SYNC: variants seen among roughly 807,000 people sequenced by gnomAD.
SYNC encodes syncoilin, intermediate filament protein, also known as syncoilin.
In SYNC, 38 loss-of-function variants were observed where a neutral mutation model predicts 49.5. That is an observed-to-expected ratio of 0.77 (90% CI 0.59 to 1.01). SYNC has a LOEUF of 1.01. Ranked by LOEUF, SYNC falls within the 50% of genes least tolerant of loss-of-function variation. The pLI, the probability that SYNC is intolerant of heterozygous loss-of-function variation, is 0.00. For synonymous variants in SYNC, 201 were observed against 230.8 expected (o/e 0.87, Z 1.17); for missense variants, 579 against 580.6 (o/e 1.00, Z 0.03).
intron 2 of SYNC, chr1:32,685,192 C>G (rs1218474404): frequency 3.9e-5 from 6 of 152,128 alleles, no homozygotes; most frequent in South Asian, 2.1e-4. Context: ...TTGGTTAGTT[C>G]TAAGTTGGAA....
intron 1 of SYNC, among the ~76,000 whole-genome samples, chr1:32,697,639 T>C (rs907582209): frequency 6.7e-6 from 1 of 149,034 alleles, no homozygotes; most frequent in Non-Finnish European, 1.5e-5. Flanking sequence ...TGGGAGGCTG[T>C]GGTGGGAGAA....
At chr1:32,703,469 T>C (rs555667902), upstream of SYNC, 1 of 152,484 alleles carries the variant, frequency 6.6e-6, no homozygotes, top group East Asian at 1.9e-4. Context: ...TCCCCCCACG[T>C]CCTCAGCCCA....
At chr1:32,694,056 G>T (rs1650290539) in intron 2 of SYNC, among the ~76,000 whole-genome samples, 1 of 151,564 alleles carries the variant, frequency 6.6e-6, no homozygotes, top group African/African-American at 2.4e-5. Context: ...GGGCCACGTG[G>T]TGAAACCCTG....
At chr1:32,686,112 T>C (rs1388234390) in intron 2 of SYNC, 1 of 152,226 alleles carries the variant, frequency 6.6e-6, no homozygotes, top group African/African-American at 2.4e-5. Flanking sequence ...ACAGCAGATT[T>C]CTAAGACAGC....
In SYNC at chr1:32,694,289, G is replaced by T. The variant is rs548452149; in HGVS notation, c.1233+576C>A. Among the ~76,000 whole-genome samples the T allele has an allele frequency of 1.5e-3, 232 of 152,024 alleles. 2 individuals carry two copies. The highest frequency in any genetic ancestry group is 6.8e-3 in the Middle Eastern group (2 of 294). Reference sequence around the variant, plus strand: ...TGGGAGGATCGCTTGAACCTGAGAGGTCGAGGCTGCAGTTAGCTGTGATCA... The same window carrying T: ...TGGGAGGATCGCTTGAACCTGAGAGTTCGAGGCTGCAGTTAGCTGTGATCA... On this transcript the variant is annotated intron_variant, in intron 2 of 4. Transcript: ENST00000409190.
chr1:32,694,047 G>A (rs1241417928), intron 2 of SYNC, among the ~76,000 whole-genome samples: 1 of 151,046 alleles, frequency 6.6e-6, no homozygotes, highest in Non-Finnish European at 1.5e-5. Flanking sequence ...ATCCAGCCTG[G>A]GCCACGTGGT....
At chr1:32,691,062 G>GA (rs1012074627) in intron 2 of SYNC, among the ~76,000 whole-genome samples, 1 of 152,014 alleles carries the variant, frequency 6.6e-6, no homozygotes, top group Admixed American at 6.6e-5. Flanking sequence ...AATAAAAATA[G>GA]AAAAAATTAG....
At position 32,702,567 on chromosome 1, in the gene SYNC, T is replaced by G. The variant is rs563065027; in HGVS notation, c.53+41A>C. 559 of 1,196,034 alleles carry G rather than the reference T, an allele frequency of 4.7e-4. 2 individuals carry two copies. The African/African-American group carries it at 8.1e-3, about 17-fold the overall frequency. 74.1% of individuals were successfully genotyped at this position (1,196,034 alleles called of 1,614,324 possible). On this transcript the variant is annotated intron_variant, in intron 1 of 4. Transcript: ENST00000409190. This position sits in a 1 kb window ranked among gnomAD's most constrained non-coding sequence, Gnocchi z 6.2. ...AAGGGAACCCGTCCAGCAGCACCCC[T>G]TCCCCAGCGGGGCGGCGACGCGGGC... is the stretch of plus-strand genomic sequence containing the variant.
chr1:32,694,011 C>T (rs765784854), intron 2 of SYNC, among the ~76,000 whole-genome samples: 12 of 151,946 alleles, frequency 7.9e-5, no homozygotes, highest in East Asian at 3.9e-4. Flanking sequence ...CCAAGGCAGG[C>T]GGATAGCTTG....
rs998732441 is a variant in SYNC at position 32,702,131 on chromosome 1, TC to T, written c.53+476del. ...ATAGTGGGGAGGGCCCCTGGACCCT[TC>T]CCCCACCCATCCCAGGCCAGACGGG... On this transcript the variant is annotated intron_variant, in intron 1 of 4. Transcript: ENST00000409190. The surrounding 1 kb of genome is among the most constrained non-coding windows in gnomAD (Gnocchi z 6.2). Among the ~76,000 whole-genome samples the T allele has an allele frequency of 2.0e-5, 3 of 151,944 alleles. No homozygotes were observed. The highest frequency in any genetic ancestry group is 4.8e-5 in the African/African-American group (2 of 41,358).
chr1:32,702,742 A>G lies in SYNC; in HGVS notation c.-82T>C. The G allele has an allele frequency of 9.5e-7, 1 of 1,050,868 alleles. No individual in the cohort carries two copies. The allele number at this position is 1,050,868 out of a possible 1,614,324, so 65.1% of individuals were successfully genotyped here. A position where few individuals can be genotyped will look rare whatever the true frequency, so the allele number is the denominator to read the frequency against. The stretch of plus-strand genomic sequence containing the variant: ...TCGCTCCGGCGCCCGCGCCCGCCGC[A>G]CTGCCAGCTGCAACCGACACCGGAT... On this transcript the variant is annotated 5_prime_UTR_variant, in exon 1 of 5. Transcript: ENST00000409190. The surrounding 1 kb of genome is among the most constrained non-coding windows in gnomAD (Gnocchi z 6.2).
intron 2 of SYNC, among the ~76,000 whole-genome samples, chr1:32,691,512 CACT>C (rs1030918065): frequency 6.6e-6 from 1 of 150,410 alleles, no homozygotes; most frequent in African/African-American, 2.4e-5. Flanking sequence ...GAGATCGTGC[CACT>C]GCACTCCAGC....
At chr1:32,693,825 G>A (rs1386841417) in intron 2 of SYNC, among the ~76,000 whole-genome samples, 1 of 152,218 alleles carries the variant, frequency 6.6e-6, no homozygotes, top group African/African-American at 2.4e-5. Flanking sequence ...GGAAAGTGAA[G>A]ATGAGAGGAT....
Position 32,684,037 on chromosome 1 carries a change from C to T in SYNC, c.1411G>A (p.Ala471Thr). ...TGAGACTGTGTCTCCATTCCACCTG[C>T]CTGAGAAGTGGGAGCATCAGCCTGT... ...LEQADAPTSQ[A>T]GGMETQSQGA... is the part of the protein sequence containing the mutation. Residue 471 changes from alanine (A) to threonine (T), a missense_variant, in exon 4 of 5, where the codon GCA (alanine) becomes ACA (threonine). Physicochemically the swap from Ala to Thr is moderately conservative, Grantham distance 58. Transcript: ENST00000409190. 1 of 1,614,192 alleles carries T rather than the reference C, an allele frequency of 6.2e-7. No individual in the cohort carries two copies. Among genetic ancestry groups the T allele is most frequent in the Non-Finnish European group, 8.5e-7 (1 of 1,180,030 alleles).
chr1:32,687,676 A>AG (rs1054165133), intron 2 of SYNC, among the ~76,000 whole-genome samples: 2 of 150,560 alleles, frequency 1.3e-5, no homozygotes, highest in Non-Finnish European at 3.0e-5. Flanking sequence ...GTCTCAAAAA[A>AG]AAAAAGAAAA....
chr1:32,691,883 G>A (rs1379068026), intron 2 of SYNC, among the ~76,000 whole-genome samples: 1 of 152,034 alleles, frequency 6.6e-6, no homozygotes, highest in Non-Finnish European at 1.5e-5. Context: ...TTCATACCTA[G>A]CTCAAATTCC....
intron 2 of SYNC, among the ~76,000 whole-genome samples, chr1:32,692,960 T>G (rs1650235751): frequency 6.6e-6 from 1 of 151,310 alleles, no homozygotes; most frequent in Non-Finnish European, 1.5e-5. Context: ...CCGAGATTGG[T>G]TCAGTGCACT....
intron 2 of SYNC, among the ~76,000 whole-genome samples, chr1:32,689,235 C>CTTTTTTT (rs71006360): frequency 0.075 from 3,090 of 41,416 alleles, 1,174 homozygotes; most frequent in Non-Finnish European, 0.084. Flanking sequence ...CTCGCCTGGC[C>CTTTTTTT]TTTTTTTTTT....
At position 32,694,988 on chromosome 1, in the gene SYNC, T is replaced by A. The variant is rs771566123; in HGVS notation, c.1110A>T (p.Glu370Asp). 5.0e-6 allele frequency: 8 copies of A among 1,613,944 alleles called. No individual in the cohort carries two copies. The East Asian group carries it at 1.8e-4, about 36-fold the overall frequency. ...GCAGGGGTCTCAGAGCCTCCTTCATTTCCTGGATCTCAGCCTGGGTTCTCT... is the reference window on the plus strand; with the variant it reads ...GCAGGGGTCTCAGAGCCTCCTTCATATCCTGGATCTCAGCCTGGGTTCTCT... Reference protein sequence around the residue: ...ALQRTQAEIQEMKEALRPLQA... With the variant: ...ALQRTQAEIQDMKEALRPLQA... The change falls in exon 2 of 5, where the codon GAA (glutamate) becomes GAT (aspartate). Residue 370 changes from glutamate to aspartate, a missense_variant. Glu to Asp is a conservative substitution (Grantham distance 45, BLOSUM62 2). Transcript: ENST00000409190.
Sources: gnomAD v4.1 joint callset for allele counts (sites outside exome capture counted in the v4.1 genomes callset) on GRCh38, gnomAD v4.1.1 for gene constraint, Gnocchi (gnomAD v3.1) non-coding constraint, MANE v1.5 for transcripts, NCBI Gene and HGNC (gene_info 2026-07-23, HGNC 2026-07-21) for gene names.